The following RAP1GDS1 variants were observed in gnomAD, a reference collection of about 807,000 sequenced individuals.
RAP1GDS1 encodes the protein Rap1 GTPase-GDP dissociation stimulator 1, also known as RAP1, GTP-GDP dissociation stimulator 1.
RAP1GDS1 carries 35 observed loss-of-function variants against 71.1 expected under a neutral mutation model. The ratio of observed to expected loss-of-function variants is 0.49; its 90% CI spans 0.38 to 0.65. The LOEUF is 0.65. Ranked by LOEUF, RAP1GDS1 falls within the 30% of genes least tolerant of loss-of-function variation. The pLI is 0.00. For synonymous variants in RAP1GDS1, 229 were observed against 243.1 expected (o/e 0.94, Z 0.54); for missense variants, 663 against 706.1 (o/e 0.94, Z 0.69).
At position 98,418,725 on chromosome 4, in the gene RAP1GDS1, G is replaced by A; in HGVS notation, c.1108G>A (p.Val370Ile). ...ACTTATGGATTTACTGGACAGACAT[G>A]TAGAAGATGGAAATGTAACAGTACA... ...EKLMDLLDRH[V>I]EDGNVTVQHA... The change falls in exon 10 of 15, where the codon GTA becomes ATA. Residue 370 changes from valine to isoleucine, a missense_variant. Physicochemically the swap from Val to Ile is conservative, Grantham distance 29. Coordinates refer to ENST00000408927, the MANE Select transcript of RAP1GDS1 (RefSeq NM_001100427.2). 11 of 1,612,770 alleles carry A rather than the reference G, an allele frequency of 6.8e-6. No individual in the cohort carries two copies. The highest frequency in any genetic ancestry group is 9.3e-6 in the Non-Finnish European group (11 of 1,179,444).
intron 11 of RAP1GDS1, 50 bp downstream of exon 11, chr4:98,420,194 T>C: frequency 1.4e-6 from 2 of 1,407,936 alleles, no homozygotes; most frequent in South Asian, 3.7e-5. Flanking sequence ...ATAGTCTTAA[T>C]GTGCCTCTAG....
Position 98,379,082 on chromosome 4 carries a change from C to T in RAP1GDS1, c.427C>T (p.Leu143=). 3.7e-6 allele frequency: 6 copies of T among 1,610,844 alleles called. No homozygotes were observed. Among genetic ancestry groups the T allele is most frequent in the Non-Finnish European group, 5.1e-6 (6 of 1,178,108 alleles). Residue 143 remains leucine (L), a synonymous_variant, in exon 5 of 15, where the codon CTG becomes TTG. Coordinates refer to ENST00000408927, the MANE Select transcript of RAP1GDS1 (RefSeq NM_001100427.2). ...GATTGTAATTGACCATTTAAGGTCACTGTGCAGTATAACAGATCCCGCCAA... is the reference window on the plus strand; with the variant it reads ...GATTGTAATTGACCATTTAAGGTCATTGTGCAGTATAACAGATCCCGCCAA... ...AQIVIDHLRS[L]CSITDPANEK...
intron 6 of RAP1GDS1, among the ~76,000 whole-genome samples, chr4:98,394,343 G>C (rs1339703163): frequency 1.3e-5 from 2 of 152,144 alleles, no homozygotes; most frequent in Non-Finnish European, 2.9e-5. Context: ...AAAAGTATTA[G>C]TCATTATTAC....
rs151252210 is a variant in RAP1GDS1 at position 98,382,565 on chromosome 4, T to G, written c.508+3402T>G. On this transcript the variant is annotated intron_variant, in intron 5 of 14. Transcript: ENST00000408927. ...TAATCCAAGGAACTCAAACCTTTAA[T>G]TGTAGGTATTTTAATCTCATTAGTT... is the stretch of plus-strand genomic sequence containing the variant. Among the ~76,000 whole-genome samples, 374 of 151,646 alleles carry G rather than the reference T, an allele frequency of 2.5e-3. 2 individuals carry two copies. The highest frequency in any genetic ancestry group is 8.5e-3 in the African/African-American group (351 of 41,516).
chr4:98,291,277 C>G (rs1726871560), intron 1 of RAP1GDS1, among the ~76,000 whole-genome samples: 1 of 152,108 alleles, frequency 6.6e-6, no homozygotes. Flanking sequence ...ACAAGACGAA[C>G]TAGACCATAT....
At chr4:98,383,626 C>T (rs1578674112) in intron 5 of RAP1GDS1, among the ~76,000 whole-genome samples, 1 of 151,496 alleles carries the variant, frequency 6.6e-6, no homozygotes, top group East Asian at 1.9e-4. Flanking sequence ...GGAAGTGTAA[C>T]ACCTGTGGCA....
chr4:98,287,590 A>G (rs563431685), intron 1 of RAP1GDS1, among the ~76,000 whole-genome samples: 9 of 152,320 alleles, frequency 5.9e-5, no homozygotes, highest in South Asian at 2.1e-4. Flanking sequence ...TTAAAGTAAT[A>G]AATTCATGGA....
At chr4:98,348,171 T>C (rs999816089) in intron 3 of RAP1GDS1, among the ~76,000 whole-genome samples, 2 of 151,964 alleles carry the variant, frequency 1.3e-5, no homozygotes, top group African/African-American at 4.8e-5. Context: ...TATGTCCTAG[T>C]GTTCTCATTA....
At chr4:98,439,028 C>T (rs4699633) in intron 14 of RAP1GDS1, among the ~76,000 whole-genome samples, 10,126 of 152,224 alleles carry the variant, frequency 0.067, 389 homozygotes, top group Admixed American at 0.14. Context: ...GGAAGTCTAT[C>T]GTATTTACGC....
chr4:98,370,678 C>G (rs901081948), intron 4 of RAP1GDS1, among the ~76,000 whole-genome samples: 1 of 151,772 alleles, frequency 6.6e-6, no homozygotes, highest in Admixed American at 6.6e-5. Flanking sequence ...TCAAGCGATT[C>G]TCCTGCCTCA....
intron 7 of RAP1GDS1, among the ~76,000 whole-genome samples, chr4:98,411,176 A>G (rs2110169490): frequency 6.6e-6 from 1 of 152,360 alleles, no homozygotes; most frequent in Admixed American, 6.5e-5. Flanking sequence ...CTTGGACAGA[A>G]TGGTTTTGGT....
At chr4:98,313,055 C>A (rs1050191035) in intron 2 of RAP1GDS1, among the ~76,000 whole-genome samples, 1 of 98,544 alleles carries the variant, frequency 1.0e-5, no homozygotes, top group African/African-American at 4.2e-5. Flanking sequence ...GGTGACAGAG[C>A]AAGACTCTGT....
chr4:98,405,689 A>G (rs892920023), intron 7 of RAP1GDS1, among the ~76,000 whole-genome samples: 6 of 152,076 alleles, frequency 3.9e-5, no homozygotes, highest in African/African-American at 1.2e-4. Context: ...TAGAAAACCA[A>G]TGACCAAAAT....
intron 1 of RAP1GDS1, among the ~76,000 whole-genome samples, chr4:98,288,553 G>A (rs1210477238): frequency 6.6e-6 from 1 of 152,096 alleles, no homozygotes; most frequent in Non-Finnish European, 1.5e-5. Context: ...ACCCAGTAAT[G>A]GGATTGCTGG....
chr4:98,426,265 A>G (rs1749596676), intron 12 of RAP1GDS1, among the ~76,000 whole-genome samples: 2 of 152,158 alleles, frequency 1.3e-5, no homozygotes, highest in South Asian at 2.1e-4. Flanking sequence ...AGGCATTTCA[A>G]AAAGTCTGAA....
intron 2 of RAP1GDS1, 21 bp from the exon 3 acceptor site, chr4:98,343,118 C>G: frequency 1.3e-6 from 2 of 1,588,460 alleles, no homozygotes; most frequent in Non-Finnish European, 8.6e-7. Flanking sequence ...CACTGAAGCT[C>G]TTTGTATGTA....
chr4:98,441,483 T>G lies in RAP1GDS1; in HGVS notation c.1697-507T>G, dbSNP rs908034518. ...TTTTGGTAAGTCATTGGACTTCATATTTGAACTGGTGATAGGGTTGTATGT... is the reference window on the plus strand; with the variant it reads ...TTTTGGTAAGTCATTGGACTTCATAGTTGAACTGGTGATAGGGTTGTATGT... On this transcript the variant is annotated intron_variant, in intron 14 of 14. Transcript: ENST00000408927. The G allele has an allele frequency of 1.0e-5, 10 of 985,126 alleles. No homozygotes were observed. The African/African-American group carries it at 1.7e-4, about 17-fold the overall frequency. The allele number at this position is 985,126 out of a possible 1,614,324, so 61.0% of individuals were successfully genotyped here.
At chr4:98,409,566 T>C (rs1268535402) in intron 7 of RAP1GDS1, 2 of 191,794 alleles carry the variant, frequency 1.0e-5, no homozygotes, top group African/African-American at 4.7e-5. Flanking sequence ...AATGAGCATA[T>C]TAAGCACTCA....
intron 2 of RAP1GDS1, among the ~76,000 whole-genome samples, chr4:98,294,740 T>C (rs1727463605): frequency 6.6e-6 from 1 of 152,118 alleles, no homozygotes. Flanking sequence ...ATCACAGATA[T>C]AAAATATTCC....
Sources: gnomAD v4.1 joint callset for allele counts (sites outside exome capture counted in the v4.1 genomes callset) on GRCh38, gnomAD v4.1.1 for gene constraint, MANE v1.5 for transcripts, NCBI Gene and HGNC (gene_info 2026-07-23, HGNC 2026-07-21) for gene names.